Variants in TTC7A observed in about 807,000 individuals in gnomAD.
TTC7A encodes the protein tetratricopeptide repeat domain 7A.
A neutral mutation model predicts 103.7 loss-of-function variants in TTC7A; 110 were observed. The observed-to-expected ratio is 1.06, with a 90% CI of 0.91 to 1.24. The LOEUF (loss-of-function observed/expected upper bound fraction) is 1.24. Ranked by LOEUF, TTC7A falls within the 50% of genes most tolerant of loss-of-function variation. The pLI is 0.00. For missense variants in TTC7A, 1,340 were observed against 1,116.3 expected, an observed-to-expected ratio of 1.20 and a Z score of -2.86; for synonymous variants, 521 against 467.9, an observed-to-expected ratio of 1.11 and a Z score of -1.47.
At chr2:46,939,696 C>T (rs1670172113), upstream of TTC7A, among the ~76,000 whole-genome samples, 1 of 152,196 alleles carries the variant, frequency 6.6e-6, no homozygotes, top group African/African-American at 2.4e-5. Context: ...GGGCTGACTC[C>T]CAGGAATGCC....
chr2:47,047,919 A>T, intron 16 of TTC7A, among the ~76,000 whole-genome samples: 1 of 152,124 alleles, frequency 6.6e-6, no homozygotes, highest in East Asian at 1.9e-4. Flanking sequence ...AGCCAGGAGG[A>T]TATTGGATCC....
chr2:47,022,274 ATCT>A (rs1184827252), intron 12 of TTC7A, among the ~76,000 whole-genome samples: 1 of 151,996 alleles, frequency 6.6e-6, no homozygotes, highest in Non-Finnish European at 1.5e-5. Flanking sequence ...GCCCATGCTG[ATCT>A]TCTCTGTGGA....
rs1167702508 is a variant in TTC7A, at chr2:46,941,505, T to C, written c.-37T>C. ...CGCCGCCCCCGGCCGGGTCTCCACT[T>C]CTTGGCCGCACCTTCCATGACAGCG... On this transcript the variant is annotated 5_prime_UTR_variant, in exon 1 of 20. Coordinates refer to ENST00000319190, the MANE Select transcript of TTC7A (RefSeq NM_020458.4). This position sits in a 1 kb window ranked among gnomAD's most constrained non-coding sequence, Gnocchi z 4.2. 8 of 1,545,456 alleles carry C rather than the reference T, an allele frequency of 5.2e-6. No homozygotes were observed.
chr2:47,026,139 C>G (rs1248378486), intron 14 of TTC7A, among the ~76,000 whole-genome samples: 1 of 152,158 alleles, frequency 6.6e-6, no homozygotes, highest in African/African-American at 2.4e-5. Flanking sequence ...CTCGAGAACT[C>G]CCTGAATGGA....
chr2:47,044,358 C>T (rs1017328595), intron 15 of TTC7A, among the ~76,000 whole-genome samples: 1 of 152,194 alleles, frequency 6.6e-6, no homozygotes, highest in Admixed American at 6.5e-5. Context: ...TTCATATTCC[C>T]GAAAGCACAG....
chr2:46,963,511 C>A (rs936962590), intron 3 of TTC7A, among the ~76,000 whole-genome samples: 6 of 152,216 alleles, frequency 3.9e-5, no homozygotes, highest in African/African-American at 1.4e-4. Context: ...GTCCTCACTG[C>A]CCCACCTGAC....
intron 19 of TTC7A, among the ~76,000 whole-genome samples, chr2:47,070,902 G>A (rs1343217639): frequency 6.6e-6 from 1 of 152,182 alleles, no homozygotes; most frequent in Non-Finnish European, 1.5e-5. Flanking sequence ...CATCTCCCAA[G>A]GGACGGTCAA....
intron 3 of TTC7A, among the ~76,000 whole-genome samples, chr2:46,972,238 C>G (rs1282024628): frequency 6.6e-6 from 1 of 150,586 alleles, no homozygotes; most frequent in Non-Finnish European, 1.5e-5. Context: ...GTTGTTTTTC[C>G]ATACAGCATT....
intron 1 of TTC7A, among the ~76,000 whole-genome samples, chr2:46,948,526 G>C (rs1002235278): frequency 6.6e-6 from 1 of 152,210 alleles, no homozygotes; most frequent in Middle Eastern, 3.4e-3. Context: ...CCTTCAGAAC[G>C]AAACCCCCCT....
At chr2:47,015,239 T>C (rs546119308) in intron 11 of TTC7A, among the ~76,000 whole-genome samples, 179 of 152,346 alleles carry the variant, frequency 1.2e-3, no homozygotes, top group African/African-American at 4.2e-3. Flanking sequence ...GAAAGAGAGA[T>C]GTAAATATTT....
rs183448759 is a variant in TTC7A at position 46,963,388 on chromosome 2, G to A, written c.517+6381G>A. The stretch of plus-strand genomic sequence containing the variant: ...ATCCGGCATAGGCCAGTATCCTGAA[G>A]TGTTCCACCACATGCCCAAGGTCTC... On this transcript the variant is annotated intron_variant, in intron 3 of 19. Transcript: ENST00000319190. 2.8e-4 allele frequency among the ~76,000 whole-genome samples: 43 copies of A among 152,374 alleles called. 1 individual carries two copies. In the East Asian group the frequency reaches 6.7e-3, roughly 24 times the overall value.
chr2:47,036,672 C>T (rs1309054335), intron 15 of TTC7A, among the ~76,000 whole-genome samples: 7 of 152,174 alleles, frequency 4.6e-5, no homozygotes, highest in Admixed American at 2.0e-4. Context: ...GCCCTGGTAA[C>T]ATAGCAAGAC....
rs1685047716 is a variant in TTC7A at position 47,074,351 on chromosome 2, A to C, written c.*428A>C. 6.0e-6 allele frequency: 1 copy of C among 165,662 alleles called. No individual in the cohort carries two copies. The highest frequency in any genetic ancestry group is 2.4e-5 in the African/African-American group (1 of 41,808). The allele number at this position is 165,662 out of a possible 1,614,324, so 10.3% of individuals were successfully genotyped here. On this transcript the variant is annotated 3_prime_UTR_variant, in exon 20 of 20. Transcript: ENST00000319190. ...GTCACAATGTGAAGAAACTGCGGGC[A>C]AGTGGGAAGACTATGAGATTTCTGG...
chr2:46,988,337 G>A (rs1380937310), intron 5 of TTC7A, among the ~76,000 whole-genome samples: 3 of 152,154 alleles, frequency 2.0e-5, no homozygotes, highest in African/African-American at 2.4e-5. Context: ...TTGGGTCTGC[G>A]ACAGGGGTGA....
chr2:47,032,309 C>T (rs1001355550), intron 15 of TTC7A, among the ~76,000 whole-genome samples: 11 of 152,174 alleles, frequency 7.2e-5, no homozygotes, highest in African/African-American at 2.7e-4. Context: ...GTTGAGGAGC[C>T]CTGGTGCAGA....
chr2:46,939,178 G>A (rs143089887), upstream of TTC7A, among the ~76,000 whole-genome samples: 3 of 152,178 alleles, frequency 2.0e-5, no homozygotes, highest in African/African-American at 7.2e-5. Context: ...CTCTACAGGA[G>A]CTAAACCCAT....
intron 19 of TTC7A, among the ~76,000 whole-genome samples, chr2:47,063,439 G>C (rs1683948090): frequency 6.6e-6 from 1 of 152,186 alleles, no homozygotes; most frequent in South Asian, 2.1e-4. Flanking sequence ...TGTGATCTTG[G>C]AATCTTTTTC....
At chr2:46,941,063 T>G (rs1401349313), upstream of TTC7A, 1 of 146,630 alleles carries the variant, frequency 6.8e-6, no homozygotes, top group Non-Finnish European at 1.5e-5. The surrounding 1 kb of genome is among the most constrained non-coding windows in gnomAD (Gnocchi z 4.2). Context: ...GGGGGGCGGG[T>G]ACCCGGGCGG....
At chr2:46,926,688 T>TG (rs1375245584) in intron 2 of TTC7A, among the ~76,000 whole-genome samples, 2 of 152,232 alleles carry the variant, frequency 1.3e-5, no homozygotes, top group African/African-American at 4.8e-5. Context: ...AAGCATCAGA[T>TG]GATTTCTACA....
Sources: allele counts gnomAD v4.1 joint callset (sites outside exome capture counted in the v4.1 genomes callset), GRCh38; gene constraint gnomAD v4.1.1; non-coding constraint Gnocchi (gnomAD v3.1); transcripts MANE v1.5; gene names NCBI Gene and HGNC (gene_info 2026-07-23, HGNC 2026-07-21).